Variants in RCL1 observed in about 807,000 individuals in gnomAD.
RCL1 encodes the protein RNA terminal phosphate cyclase like 1.
A neutral mutation model predicts 42.4 loss-of-function variants in RCL1; 24 were observed. The observed-to-expected ratio is 0.57, with a 90% CI of 0.41 to 0.80. The LOEUF is 0.80. Ranked by LOEUF, RCL1 falls within the 30% of genes least tolerant of loss-of-function variation. RCL1 has a pLI of 0.00. For synonymous variants in RCL1, 228 were observed against 177.3 expected, an observed-to-expected ratio of 1.29 and a Z score of -2.27; for missense variants, 578 against 467.9, an observed-to-expected ratio of 1.24 and a Z score of -2.17.
Position 4,844,561 on chromosome 9 carries a change from C to G in RCL1, c.747C>G (p.Thr249=). ...TTGGGTTGTCACTGGTTGCTGAGAC[C>G]ACCAGTGGCACCTTCCTCAGTGCTG... is the stretch of plus-strand genomic sequence containing the variant. The part of the protein sequence containing the change: ...PGFGLSLVAE[T]TSGTFLSAEL... The change falls in exon 7 of 9, where the codon ACC becomes ACG. Residue 249 remains threonine (T), a synonymous_variant. Transcript: ENST00000381750. The G allele has an allele frequency of 6.2e-7, 1 of 1,613,584 alleles. No homozygotes were observed. Among genetic ancestry groups the G allele is most frequent in the Non-Finnish European group, 8.5e-7 (1 of 1,179,760 alleles).
rs765404818 is a variant in RCL1 at position 4,823,613 on chromosome 9, C to G, written c.202C>G (p.Gln68Glu). Residue 68 changes from glutamine (Q) to glutamate (E), a missense_variant, in exon 2 of 9, where the codon CAA (glutamine) becomes GAA (glutamate). Transcript: ENST00000381750. Reference sequence around the variant, plus strand: ...GAATGGTTCTCGAATTGAAATAAACCAAACAGGTAAGCTCCTTTTAGATTC... The same window carrying G: ...GAATGGTTCTCGAATTGAAATAAACGAAACAGGTAAGCTCCTTTTAGATTC... ...ITNGSRIEINQTGTTLYYQPG... is the reference protein window; with the variant it reads ...ITNGSRIEINETGTTLYYQPG... 6.2e-7 allele frequency: 1 copy of G among 1,608,718 alleles called. No individual in the cohort carries two copies. The highest frequency in any genetic ancestry group is 8.5e-7 in the Non-Finnish European group (1 of 1,176,948).
intron 3 of RCL1, among the ~76,000 whole-genome samples, chr9:4,831,414 G>A (rs1816940023): frequency 6.6e-6 from 1 of 151,656 alleles, no homozygotes; most frequent in African/African-American, 2.4e-5. Flanking sequence ...CTGCTCTTAA[G>A]CCTCGACTGT....
chr9:4,801,778 G>A (rs548749930), intron 1 of RCL1, among the ~76,000 whole-genome samples: 70 of 149,168 alleles, frequency 4.7e-4, no homozygotes, highest in Non-Finnish European at 8.1e-4. Context: ...TTGTTGAAAC[G>A]GCATCTTTTT....
intron 7 of RCL1, 133 bp downstream of exon 7, chr9:4,844,814 G>C: frequency 1.2e-6 from 1 of 857,528 alleles, no homozygotes; most frequent in Non-Finnish European, 1.8e-6. Context: ...GCATTAAGCA[G>C]TTCAGCCTTA....
At chr9:4,819,664 G>T (rs891178163) in intron 1 of RCL1, among the ~76,000 whole-genome samples, 43 of 152,212 alleles carry the variant, frequency 2.8e-4, no homozygotes, top group African/African-American at 1.0e-3. Flanking sequence ...AAAATTAGCT[G>T]GGCGTGGTGG....
intron 1 of RCL1, among the ~76,000 whole-genome samples, chr9:4,815,399 T>C (rs886860813): frequency 6.6e-6 from 1 of 152,064 alleles, no homozygotes; most frequent in African/African-American, 2.4e-5. Context: ...GCTATTTTAG[T>C]TCTATTATAT....
At position 4,851,433 on chromosome 9, in the gene RCL1, C is replaced by G. The variant is rs574295919; in HGVS notation, c.971+1883C>G. ...GAGTCTATTTTCAAGAAAGCTGGATCTGTTTCATACTCTTTCTGCCCCTAA... is the reference window on the plus strand; with the variant it reads ...GAGTCTATTTTCAAGAAAGCTGGATGTGTTTCATACTCTTTCTGCCCCTAA... On this transcript the variant is annotated intron_variant, in intron 8 of 8. Coordinates refer to ENST00000381750, the MANE Select transcript of RCL1 (RefSeq NM_005772.5). Among the ~76,000 whole-genome samples the G allele has an allele frequency of 2.0e-5, 3 of 152,300 alleles. No homozygotes were observed. The East Asian group carries it at 5.8e-4, about 29-fold the overall frequency.
intron 1 of RCL1, among the ~76,000 whole-genome samples, chr9:4,799,886 G>A (rs1035067387): frequency 1.1e-4 from 17 of 152,194 alleles, no homozygotes; most frequent in African/African-American, 4.1e-4. Context: ...TGTCACCCAT[G>A]GTCACCGTGG....
In RCL1 at chr9:4,833,239, T is replaced by A. The variant is rs1434387622; in HGVS notation, c.459+11T>A. 8.8e-6 allele frequency: 14 copies of A among 1,596,596 alleles called. No homozygotes were observed. The highest frequency in any genetic ancestry group is 1.2e-5 in the Non-Finnish European group (14 of 1,164,008). ...TCATTTGAACTGAAGGTAAGAATGT[T>A]TGAACTGTTGACCATATGTTCCTGT... On this transcript the variant is annotated intron_variant, in intron 4 of 8. Transcript: ENST00000381750.
chr9:4,800,427 C>G (rs1842980927), intron 1 of RCL1, among the ~76,000 whole-genome samples: 1 of 151,900 alleles, frequency 6.6e-6, no homozygotes, highest in African/African-American at 2.4e-5. Flanking sequence ...GTTGGCCAGG[C>G]TGGTCTCGAA....
At chr9:4,806,686 C>G (rs1037167685) in intron 1 of RCL1, among the ~76,000 whole-genome samples, 2 of 149,524 alleles carry the variant, frequency 1.3e-5, no homozygotes, top group Admixed American at 6.6e-5. Context: ...TTGTTAAGGA[C>G]TTTTGTTTGT....
At chr9:4,824,032 C>G (rs1388979186) in intron 2 of RCL1, among the ~76,000 whole-genome samples, 1 of 152,150 alleles carries the variant, frequency 6.6e-6, no homozygotes, top group Admixed American at 6.6e-5. Context: ...AGTTAGAAGA[C>G]TGAAAATTTC....
At chr9:4,831,358 A>G (rs1323340079) in intron 3 of RCL1, among the ~76,000 whole-genome samples, 2 of 149,504 alleles carry the variant, frequency 1.3e-5, no homozygotes, top group Non-Finnish European at 2.9e-5. Context: ...TAACTGCAGC[A>G]TTGCATCCCC....
chr9:4,840,307 A>G (rs1264139926), intron 5 of RCL1, among the ~76,000 whole-genome samples: 3 of 152,240 alleles, frequency 2.0e-5, no homozygotes, highest in Non-Finnish European at 4.4e-5. Flanking sequence ...GGTTTGTATC[A>G]GGGTAGTGGG....
chr9:4,839,654 G>A (rs1181339738), intron 5 of RCL1: 2 of 985,176 alleles, frequency 2.0e-6, no homozygotes, highest in African/African-American at 3.5e-5. Context: ...TGGGCTGTGT[G>A]TGTATTGAAA....
rs563065871 is a variant in RCL1 at position 4,855,620 on chromosome 9, G to C, written c.972-4505G>C. Among the ~76,000 whole-genome samples the C allele has an allele frequency of 7.9e-5, 12 of 152,182 alleles. No individual in the cohort carries two copies. In the East Asian group the frequency reaches 2.3e-3, roughly 29 times the overall value. On this transcript the variant is annotated intron_variant, in intron 8 of 8. Coordinates refer to ENST00000381750, the MANE Select transcript of RCL1 (RefSeq NM_005772.5). ...TTTTCTTAAGGAGGCTGTTTGCTGG[G>C]ATTTAATATTGTCTGTGGTTTTTTT...
chr9:4,812,633 G>A (rs777492093), intron 1 of RCL1, among the ~76,000 whole-genome samples: 17 of 151,830 alleles, frequency 1.1e-4, no homozygotes, highest in South Asian at 4.1e-4. Context: ...GGTCTTTTGC[G>A]GGTCCATATG....
At chr9:4,809,961 T>TGGA (rs1313373295) in intron 1 of RCL1, among the ~76,000 whole-genome samples, 1 of 152,062 alleles carries the variant, frequency 6.6e-6, no homozygotes, top group Non-Finnish European at 1.5e-5. Flanking sequence ...GGATTACAGA[T>TGGA]GTGCACCACT....
chr9:4,859,258 A>G (rs1818076244), intron 8 of RCL1, among the ~76,000 whole-genome samples: 1 of 152,142 alleles, frequency 6.6e-6, no homozygotes, highest in Non-Finnish European at 1.5e-5. Context: ...TACTGTGCAC[A>G]CTTCCCCGGC....
Sources: allele counts gnomAD v4.1 joint callset (sites outside exome capture counted in the v4.1 genomes callset), GRCh38; gene constraint gnomAD v4.1.1; transcripts MANE v1.5; gene names NCBI Gene and HGNC (gene_info 2026-07-23, HGNC 2026-07-21).